MEGF10: variants seen among roughly 807,000 people sequenced by gnomAD.
MEGF10 encodes multiple EGF like domains 10.
Under a neutral mutation model 147.5 loss-of-function variants are expected in MEGF10, and 86 were observed. The observed-to-expected ratio is 0.58, with a 90% CI of 0.49 to 0.70. The LOEUF (loss-of-function observed/expected upper bound fraction) is 0.70. Ranked by LOEUF, MEGF10 falls within the 30% of genes least tolerant of loss-of-function variation. MEGF10 has a pLI of 0.00. For synonymous variants in MEGF10, 478 were observed against 525.5 expected, an observed-to-expected ratio of 0.91 and a Z score of 1.24; for missense variants, 1,329 against 1,487.3, an observed-to-expected ratio of 0.89 and a Z score of 1.75.
At chr5:127,319,818 G>T (rs1046852842) in intron 1 of MEGF10, among the ~76,000 whole-genome samples, 1 of 152,184 alleles carries the variant, frequency 6.6e-6, no homozygotes, top group African/African-American at 2.4e-5. Flanking sequence ...AGTGGCATCA[G>T]CCACAGAAAG....
rs1766497776 is a variant in MEGF10, at chr5:127,459,717, T to A, written c.*2399T>A. ...CTGTGTGCTCTTTTTGACAAGTAAA[T>A]CACTCCAGTTAGCTGATGTCCTGAA... is the stretch of plus-strand genomic sequence containing the variant. On this transcript the variant is annotated 3_prime_UTR_variant, in exon 25 of 25. Coordinates refer to ENST00000503335, the MANE Select transcript of MEGF10 (RefSeq NM_001256545.2). 6.6e-6 allele frequency: 1 copy of A among 152,180 alleles called. No individual in the cohort carries two copies. The highest frequency in any genetic ancestry group is 1.5e-5 in the Non-Finnish European group (1 of 68,020). 9.4% of individuals were successfully genotyped at this position (152,180 alleles called of 1,614,324 possible). A position where few individuals can be genotyped will look rare whatever the true frequency, so the allele number is the denominator to read the frequency against.
the MEGF10 span, among the ~76,000 whole-genome samples, chr5:127,249,911 G>A: frequency 2.0e-5 from 3 of 152,042 alleles, no homozygotes; most frequent in African/African-American, 2.4e-5. Flanking sequence ...TTGTTCACAT[G>A]GCAGAAGAGT....
chr5:127,403,042 G>C (rs1029311342), intron 8 of MEGF10, among the ~76,000 whole-genome samples: 1 of 152,102 alleles, frequency 6.6e-6, no homozygotes, highest in African/African-American at 2.4e-5. Context: ...GTGTACTTAG[G>C]TACCTTTCAA....
chr5:127,447,759 C>A, intron 21 of MEGF10, 75 bp downstream of exon 21: 1 of 1,578,888 alleles, frequency 6.3e-7, no homozygotes, highest in East Asian at 2.3e-5. Context: ...TTGAGGGCCG[C>A]TGTTCACCAG....
At chr5:127,385,331 C>A (rs1431912057) in intron 5 of MEGF10, among the ~76,000 whole-genome samples, 3 of 151,700 alleles carry the variant, frequency 2.0e-5, no homozygotes, top group Non-Finnish European at 2.9e-5. Flanking sequence ...CAGAGTCTCA[C>A]TCTGTTGCCT....
intron 16 of MEGF10, among the ~76,000 whole-genome samples, chr5:127,437,542 T>C (rs1173877459): frequency 6.6e-6 from 1 of 152,240 alleles, no homozygotes; most frequent in African/African-American, 2.4e-5. Context: ...GTCCTCCTTT[T>C]ATGCAATTAT....
At chr5:127,299,519 A>G (rs1759675465) in intron 1 of MEGF10, among the ~76,000 whole-genome samples, 1 of 152,180 alleles carries the variant, frequency 6.6e-6, no homozygotes, top group South Asian at 2.1e-4. Flanking sequence ...TCCTGAGCCC[A>G]ACAATTGCTT....
At chr5:127,354,973 C>G (rs1357920743) in intron 4 of MEGF10, among the ~76,000 whole-genome samples, 1 of 152,108 alleles carries the variant, frequency 6.6e-6, no homozygotes, top group Non-Finnish European at 1.5e-5. Flanking sequence ...AGTTTCTTTC[C>G]CTACCTTACA....
intron 13 of MEGF10, among the ~76,000 whole-genome samples, chr5:127,423,185 A>G (rs1341513731): frequency 2.0e-5 from 3 of 152,266 alleles, no homozygotes; most frequent in African/African-American, 2.4e-5. Flanking sequence ...ATATTATTGT[A>G]TGGTTAATAT....
intron 1 of MEGF10, among the ~76,000 whole-genome samples, chr5:127,317,024 A>C (rs188180765): frequency 6.6e-6 from 1 of 152,302 alleles, no homozygotes; most frequent in African/African-American, 2.4e-5. Context: ...GTTTGGGGAA[A>C]ATCAAGTACC....
chr5:127,343,757 C>T (rs936443416), intron 4 of MEGF10, among the ~76,000 whole-genome samples: 1 of 152,008 alleles, frequency 6.6e-6, no homozygotes, highest in East Asian at 1.9e-4. Flanking sequence ...TCGAGACCAG[C>T]ATGGGCAACA....
chr5:127,420,182 G>A lies in MEGF10; in HGVS notation c.1565G>A (p.Gly522Glu), dbSNP rs369959948. Residue 522 changes from glycine to glutamate, a missense_variant, in exon 12 of 25, where the codon GGG becomes GAG. Transcript: ENST00000503335. ...GTCTCAPGWR[G>E]EKCELPCQDG... Reference sequence around the variant, plus strand: ...TGCACGTGTGCACCTGGATGGCGCGGGGAGAAATGCGAACTTCCCTGCCAG... The same window carrying A: ...TGCACGTGTGCACCTGGATGGCGCGAGGAGAAATGCGAACTTCCCTGCCAG... 1.2e-6 allele frequency: 2 copies of A among 1,614,034 alleles called. No homozygotes were observed. Among genetic ancestry groups the A allele is most frequent in the African/African-American group, 1.3e-5 (1 of 74,916 alleles).
intron 2 of MEGF10, among the ~76,000 whole-genome samples, 163 bp downstream of exon 2, chr5:127,331,587 C>G (rs116608781): frequency 0.013 from 1,977 of 152,168 alleles, 21 homozygotes; most frequent in Non-Finnish European, 0.021. Context: ...GTGTTAGTCA[C>G]CTTGGTCTTA....
the MEGF10 span, among the ~76,000 whole-genome samples, chr5:127,247,284 T>G: frequency 4.9e-5 from 5 of 102,952 alleles, no homozygotes; most frequent in Non-Finnish European, 9.8e-5. Flanking sequence ...TGTGTGTGGT[T>G]GGGGGGTGGG....
At chr5:127,341,253 T>G (rs1297228762) in intron 4 of MEGF10, among the ~76,000 whole-genome samples, 1 of 152,198 alleles carries the variant, frequency 6.6e-6, no homozygotes, top group East Asian at 1.9e-4. Context: ...AGATGCAGTT[T>G]GCAATTGAGA....
chr5:127,342,838 T>A (rs1158600687), intron 4 of MEGF10, among the ~76,000 whole-genome samples: 1 of 152,134 alleles, frequency 6.6e-6, no homozygotes, highest in Non-Finnish European at 1.5e-5. Context: ...GACTGCAATA[T>A]TTTTTCCTTT....
intron 18 of MEGF10, among the ~76,000 whole-genome samples, 171 bp from the exon 19 acceptor site, chr5:127,442,827 C>T (rs935675467): frequency 6.6e-6 from 1 of 152,182 alleles, no homozygotes; most frequent in African/African-American, 2.4e-5. Flanking sequence ...GTGAGTGCCA[C>T]CATGATTCCA....
chr5:127,330,046 G>A (rs1305060560), intron 1 of MEGF10, among the ~76,000 whole-genome samples: 1 of 152,108 alleles, frequency 6.6e-6, no homozygotes, highest in African/African-American at 2.4e-5. Context: ...CTCCCCAGAG[G>A]AGGGCTTCTA....
chr5:127,234,431 T>C, the MEGF10 span, among the ~76,000 whole-genome samples: 14 of 152,312 alleles, frequency 9.2e-5, no homozygotes, highest in South Asian at 6.2e-4. Context: ...AAATGGATAT[T>C]GAATAGACAA....
Sources: gnomAD v4.1 joint callset for allele counts (sites outside exome capture counted in the v4.1 genomes callset) on GRCh38, gnomAD v4.1.1 for gene constraint, MANE v1.5 for transcripts, NCBI Gene and HGNC (gene_info 2026-07-23, HGNC 2026-07-21) for gene names.